ARMC8: variants seen among roughly 807,000 people sequenced by gnomAD.
ARMC8 encodes armadillo repeat-containing protein 8.
A neutral mutation model predicts 99.3 loss-of-function variants in ARMC8; 20 were observed. That is an observed-to-expected ratio of 0.20 (90% CI 0.14 to 0.29). ARMC8 has a LOEUF of 0.29. Ranked by LOEUF, ARMC8 falls within the 10% of genes least tolerant of loss-of-function variation. The probability of loss-of-function intolerance (pLI) is 1.00; values close to 1 mark genes in which losing one functional copy is unlikely to be tolerated. For synonymous variants in ARMC8, 263 were observed against 278.3 expected, an observed-to-expected ratio of 0.95 and a Z score of 0.55; for missense variants, 569 against 809.5, an observed-to-expected ratio of 0.70 and a Z score of 3.60.
intron 1 of ARMC8, among the ~76,000 whole-genome samples, chr3:138,188,683 CG>C (rs2043211011): frequency 6.6e-6 from 1 of 152,094 alleles, no homozygotes; most frequent in Admixed American, 6.6e-5. Context: ...TAACTACAAC[CG>C]GTTTCTTTTC....
At chr3:138,273,300 C>T (rs2048956134) in intron 17 of ARMC8, among the ~76,000 whole-genome samples, 184 bp downstream of exon 17, 1 of 152,202 alleles carries the variant, frequency 6.6e-6, no homozygotes, top group African/African-American at 2.4e-5. Flanking sequence ...GGAGCTGCTT[C>T]ACCATATCAC....
chr3:138,263,007 T>C (rs1482344045), intron 12 of ARMC8, among the ~76,000 whole-genome samples: 14 of 152,066 alleles, frequency 9.2e-5, no homozygotes, highest in Admixed American at 9.2e-4. Flanking sequence ...GCTTGGCACA[T>C]GGAAGAACTC....
chr3:138,216,166 T>C (rs2045028547), intron 2 of ARMC8, among the ~76,000 whole-genome samples: 1 of 151,820 alleles, frequency 6.6e-6, no homozygotes, highest in Non-Finnish European at 1.5e-5. Flanking sequence ...CTTTTCATGG[T>C]TTTATACAAA....
At chr3:138,191,183 A>G (rs2043362039) in intron 1 of ARMC8, among the ~76,000 whole-genome samples, 1 of 152,296 alleles carries the variant, frequency 6.6e-6, no homozygotes, top group Middle Eastern at 3.4e-3. Context: ...TACTCAGTAA[A>G]TGTTTGATTG....
chr3:138,248,399 A>G (rs1025792634), intron 12 of ARMC8, among the ~76,000 whole-genome samples: 2 of 152,220 alleles, frequency 1.3e-5, no homozygotes, highest in Non-Finnish European at 2.9e-5. Flanking sequence ...TGCCAAGTAA[A>G]AATTAGCTCT....
chr3:138,292,411 C>T (rs1201548501), intron 21 of ARMC8, among the ~76,000 whole-genome samples: 2 of 152,188 alleles, frequency 1.3e-5, no homozygotes, highest in Non-Finnish European at 2.9e-5. Flanking sequence ...AGAATGGAGG[C>T]ACAGAGACCA....
In ARMC8 at chr3:138,194,068, C is replaced by A. The variant is rs1201582116; in HGVS notation, c.45+6469C>A. On this transcript the variant is annotated intron_variant, in intron 1 of 21. Coordinates refer to ENST00000469044, the MANE Select transcript of ARMC8 (RefSeq NM_001363941.2). Reference sequence around the variant, plus strand: ...CGTCTTTTTTTTTTTTTTGAGACGGCGTCTCGCTCTGTCTCCCAGGCTGGA... The same window carrying A: ...CGTCTTTTTTTTTTTTTTGAGACGGAGTCTCGCTCTGTCTCCCAGGCTGGA... Among the ~76,000 whole-genome samples, 6 of 147,594 alleles carry A rather than the reference C, an allele frequency of 4.1e-5. No individual in the cohort carries two copies. In the Admixed American group the frequency reaches 4.1e-4, roughly 10 times the overall value.
chr3:138,294,315 G>A (rs1577078009), intron 21 of ARMC8, among the ~76,000 whole-genome samples: 1 of 152,322 alleles, frequency 6.6e-6, no homozygotes, highest in East Asian at 1.9e-4. Flanking sequence ...GAGGGCTTCA[G>A]GGTTGCAGGG....
At chr3:138,269,906 C>T in intron 15 of ARMC8, 134 bp from the exon 16 acceptor site, 1 of 286,376 alleles carries the variant, frequency 3.5e-6, no homozygotes, top group Non-Finnish European at 6.7e-6. Flanking sequence ...GGCTACATCA[C>T]TCCCTGCTTT....
At chr3:138,255,707 C>A (rs187174612) in intron 12 of ARMC8, among the ~76,000 whole-genome samples, 8 of 152,234 alleles carry the variant, frequency 5.3e-5, no homozygotes, top group Non-Finnish European at 8.8e-5. Context: ...AAGCTGGGAG[C>A]GGTGACTCAC....
chr3:138,188,724 C>T (rs1474670204), intron 1 of ARMC8, among the ~76,000 whole-genome samples: 1 of 152,234 alleles, frequency 6.6e-6, no homozygotes, highest in Non-Finnish European at 1.5e-5. Context: ...CAAACAAACT[C>T]ACCTATCTGA....
chr3:138,285,870 A>G (rs1471079662), intron 19 of ARMC8, among the ~76,000 whole-genome samples: 1 of 152,156 alleles, frequency 6.6e-6, no homozygotes, highest in Non-Finnish European at 1.5e-5. Context: ...TGTATCCATA[A>G]TCACTTAAAA....
chr3:138,220,698 T>TC (rs2045346287), intron 2 of ARMC8, among the ~76,000 whole-genome samples: 1 of 151,418 alleles, frequency 6.6e-6, no homozygotes, highest in African/African-American at 2.4e-5. Context: ...TTTTTCTTTT[T>TC]TTTTTTTTTG....
rs755577440 is a variant in ARMC8, at chr3:138,192,999, G to C, written c.45+5400G>C. On this transcript the variant is annotated intron_variant, in intron 1 of 21. Transcript: ENST00000469044. ...TTATTTTATTTTTGATATGTGTTTC[G>C]CTCTTGTTGGCAAGGCTGGAGTGCA... Among the ~76,000 whole-genome samples, 4 of 151,396 alleles carry C rather than the reference G, an allele frequency of 2.6e-5. No individual in the cohort carries two copies. In the South Asian group the frequency reaches 8.4e-4, roughly 32 times the overall value.
rs1009830858 is a variant in ARMC8, at chr3:138,223,710, A to G, written c.412A>G (p.Thr138Ala). 1.9e-6 allele frequency: 3 copies of G among 1,613,868 alleles called. No individual in the cohort carries two copies. In the African/African-American group the frequency reaches 4.0e-5, roughly 22 times the overall value. ...CLRTIFTSPV[T>A]PEELLYTDAT... is the part of the protein sequence containing the mutation. ...GCGTACCATCTTCACCAGTCCTGTCACTCCAGAGGAGCTACTGTATACAGT... is the reference window on the plus strand; with the variant it reads ...GCGTACCATCTTCACCAGTCCTGTCGCTCCAGAGGAGCTACTGTATACAGT... Residue 138 changes from threonine to alanine, a missense_variant, in exon 5 of 22, where the codon ACT (threonine) becomes GCT (alanine). This residue lies in a region of ARMC8 where 342 missense variants were observed against 391.6 expected (regional missense o/e 0.87). Transcript: ENST00000469044.
chr3:138,255,609 G>A (rs1408319406), intron 12 of ARMC8, among the ~76,000 whole-genome samples: 1 of 152,142 alleles, frequency 6.6e-6, no homozygotes, highest in East Asian at 1.9e-4. Context: ...TTTGTCAAGT[G>A]TTTACTGAGA....
At position 138,228,279 on chromosome 3, in the gene ARMC8, C is replaced by T. The variant is rs558679276; in HGVS notation, c.436-639C>T. ...ACAGGCATGAGCCACCGCTCCTGGC[C>T]TGCATTCTAAATAAAAGGAAATTCT... On this transcript the variant is annotated intron_variant, in intron 5 of 21. Coordinates refer to ENST00000469044, the MANE Select transcript of ARMC8 (RefSeq NM_001363941.2). Among the ~76,000 whole-genome samples the T allele has an allele frequency of 3.9e-5, 6 of 152,342 alleles. No individual in the cohort carries two copies. In the East Asian group the frequency reaches 1.2e-3, roughly 29 times the overall value.
chr3:138,250,505 A>G (rs1044433631), intron 12 of ARMC8, among the ~76,000 whole-genome samples: 4 of 152,236 alleles, frequency 2.6e-5, no homozygotes, highest in African/African-American at 9.6e-5. Context: ...TTGGTAACAA[A>G]TTGTCTTGTT....
chr3:138,223,387 A>C lies in ARMC8; in HGVS notation c.195-2A>C. On this transcript the variant is annotated splice_acceptor_variant, in intron 3 of 21. Transcript: ENST00000469044. LOFTEE classifies it high-confidence loss of function. ...TTCGTTTATTAAGTTCCTTCTTTTT[A>C]GATTGTTGTACTTGCTTCAGCAAGA... 1 of 1,611,646 alleles carries C rather than the reference A, an allele frequency of 6.2e-7. No homozygotes were observed. The highest frequency in any genetic ancestry group is 1.3e-5 in the African/African-American group (1 of 74,806).
Sources: gnomAD v4.1 joint callset for allele counts (sites outside exome capture counted in the v4.1 genomes callset) on GRCh38, gnomAD v4.1.1 for gene constraint, gnomAD v4.1.1 regional missense constraint, MANE v1.5 for transcripts, NCBI Gene and HGNC (gene_info 2026-07-23, HGNC 2026-07-21) for gene names.